PRKD3: variants seen among roughly 807,000 people sequenced by gnomAD.
PRKD3 encodes the protein serine/threonine-protein kinase D3.
A neutral mutation model predicts 99.2 loss-of-function variants in PRKD3; 47 were observed. The ratio of observed to expected loss-of-function variants is 0.47; its 90% CI spans 0.38 to 0.60. The LOEUF is 0.60. Ranked by LOEUF, PRKD3 falls within the 20% of genes least tolerant of loss-of-function variation. The pLI, the probability that PRKD3 is intolerant of heterozygous loss-of-function variation, is 0.00. For synonymous variants in PRKD3, 392 were observed against 355.4 expected, an observed-to-expected ratio of 1.10 and a Z score of -1.16; for missense variants, 1,019 against 1,088.4, an observed-to-expected ratio of 0.94 and a Z score of 0.90.
chr2:37,302,374 T>C (rs1013320607), intron 2 of PRKD3, among the ~76,000 whole-genome samples: 2 of 152,224 alleles, frequency 1.3e-5, no homozygotes, highest in Non-Finnish European at 2.9e-5. Flanking sequence ...TCCACCCTCA[T>C]GCACTCTGCT....
Position 37,273,663 on chromosome 2 carries a change from T to C in PRKD3, c.1651+758A>G, listed in dbSNP as rs1283207578. Among the ~76,000 whole-genome samples, 5 of 152,248 alleles carry C rather than the reference T, an allele frequency of 3.3e-5. No individual in the cohort carries two copies. In the East Asian group the frequency reaches 7.7e-4, roughly 23 times the overall value. On this transcript the variant is annotated intron_variant, in intron 11 of 18. Transcript: ENST00000234179. ...TATTTTAGCTCAGGGCCTAGCATAATAGTTGTACAAAATAATACAGCTAAA... is the reference window on the plus strand; with the variant it reads ...TATTTTAGCTCAGGGCCTAGCATAACAGTTGTACAAAATAATACAGCTAAA...
intron 2 of PRKD3, among the ~76,000 whole-genome samples, chr2:37,298,414 T>TC (rs1558567351): frequency 6.7e-5 from 10 of 148,642 alleles, no homozygotes; most frequent in African/African-American, 2.1e-4. Context: ...CAAAGTTATT[T>TC]TTTTTTTTAA....
At chr2:37,290,630 C>G (rs1017829954) in intron 4 of PRKD3, among the ~76,000 whole-genome samples, 1 of 152,190 alleles carries the variant, frequency 6.6e-6, no homozygotes, top group Non-Finnish European at 1.5e-5. Flanking sequence ...ACCGTTTACT[C>G]TTTATGAAAC....
intron 2 of PRKD3, 60 bp downstream of exon 2, chr2:37,316,177 A>G (rs1448897171): frequency 1.4e-6 from 2 of 1,473,978 alleles, no homozygotes; most frequent in East Asian, 4.5e-5. Context: ...GTACACGTAT[A>G]ATTTATAGAA....
chr2:37,252,913 G>T lies in PRKD3; in HGVS notation c.*264C>A. The stretch of plus-strand genomic sequence containing the variant: ...GTGAGCCTATTGTATTAAAGTGAAG[G>T]ATTAAGAAAAAATACAAAACCAGTT... On this transcript the variant is annotated 3_prime_UTR_variant, in exon 19 of 19. Coordinates refer to ENST00000234179, the MANE Select transcript of PRKD3 (RefSeq NM_005813.6). 4.6e-6 allele frequency: 1 copy of T among 218,980 alleles called. No homozygotes were observed. The highest frequency in any genetic ancestry group is 8.8e-6 in the Non-Finnish European group (1 of 114,042). 13.6% of individuals were successfully genotyped at this position (218,980 alleles called of 1,614,324 possible).
At chr2:37,278,558 T>C (rs927870719) in intron 8 of PRKD3, 5 of 152,286 alleles carry the variant, frequency 3.3e-5, no homozygotes, top group African/African-American at 1.2e-4. Flanking sequence ...ATTTGGGATG[T>C]ATGCATAAAA....
At position 37,274,496 on chromosome 2, in the gene PRKD3, C is replaced by CT; in HGVS notation, c.1575dup (p.Ala526SerfsTer36). 3 of 1,614,116 alleles carry CT rather than the reference C, an allele frequency of 1.9e-6. No homozygotes were observed. Among genetic ancestry groups the CT allele is most frequent in the Non-Finnish European group, 2.5e-6 (3 of 1,179,986 alleles). ...ACAGGCATGAGGGCTTGGCGAATTG[C>CT]TTTTTCCCAGCTCTGTGCTACATCA... On this transcript the variant is annotated frameshift_variant, in exon 11 of 19. Transcript: ENST00000234179. LOFTEE classifies it high-confidence loss of function.
At chr2:37,288,504 G>A (rs967393168) in intron 5 of PRKD3, among the ~76,000 whole-genome samples, 3 of 152,162 alleles carry the variant, frequency 2.0e-5, no homozygotes, top group African/African-American at 7.2e-5. Flanking sequence ...CAGAAGATCA[G>A]AGAAGTTACA....
At chr2:37,323,623 A>C (rs557291313) in intron 1 of PRKD3, among the ~76,000 whole-genome samples, 61 of 152,326 alleles carry the variant, frequency 4.0e-4, no homozygotes, top group African/African-American at 1.3e-3. Flanking sequence ...AGCAAAGCTA[A>C]GGAAAATGAA....
chr2:37,321,579 T>C (rs975961277), intron 1 of PRKD3, among the ~76,000 whole-genome samples: 10 of 152,360 alleles, frequency 6.6e-5, no homozygotes, highest in African/African-American at 2.4e-4. Context: ...GTACTTATTA[T>C]TTCCCAGACT....
At chr2:37,262,461 T>C (rs1459405675) in intron 14 of PRKD3, among the ~76,000 whole-genome samples, 1 of 152,230 alleles carries the variant, frequency 6.6e-6, no homozygotes, top group Non-Finnish European at 1.5e-5. Flanking sequence ...ATAGACTTGT[T>C]TGCTAATCAT....
At chr2:37,275,997 T>C (rs1029519416) in intron 9 of PRKD3, among the ~76,000 whole-genome samples, 153 bp from the exon 10 acceptor site, 4 of 152,176 alleles carry the variant, frequency 2.6e-5, no homozygotes, top group Non-Finnish European at 5.9e-5. Flanking sequence ...ATAAAAAGGA[T>C]GTATGGTGAA....
Position 37,251,550 on chromosome 2 carries a change from C to G in PRKD3, c.*1627G>C, listed in dbSNP as rs990297008. On this transcript the variant is annotated 3_prime_UTR_variant, in exon 19 of 19. Coordinates refer to ENST00000234179, the MANE Select transcript of PRKD3 (RefSeq NM_005813.6). ...CTATTCTTTCAAGGATATTTTTAGT[C>G]TAGACAGGAGACTAGCTTCAGGGAT... is the stretch of plus-strand genomic sequence containing the variant. 6.6e-6 allele frequency: 1 copy of G among 152,218 alleles called. No homozygotes were observed. Among genetic ancestry groups the G allele is most frequent in the African/African-American group, 2.4e-5 (1 of 41,340 alleles). 9.4% of individuals were successfully genotyped at this position (152,218 alleles called of 1,614,324 possible). A position where few individuals can be genotyped will look rare whatever the true frequency, so the allele number is the denominator to read the frequency against.
At chr2:37,303,798 G>A (rs890350497) in intron 2 of PRKD3, among the ~76,000 whole-genome samples, 6 of 152,108 alleles carry the variant, frequency 3.9e-5, no homozygotes, top group African/African-American at 1.4e-4. Context: ...AATGGGAAAC[G>A]ATCGAAGTTT....
rs778538580 is a variant in PRKD3, at chr2:37,259,606, CA to C, written c.2121del (p.Ala708HisfsTer9). The C allele has an allele frequency of 2.5e-6, 4 of 1,612,514 alleles. No homozygotes were observed. The Admixed American group carries it at 5.0e-5, about 20-fold the overall frequency. ...ACCTGAGGAAATGGCTCTGCTGATG[CA>C]AGCAGCACATTTTCTGGCTTTAAAT... ...HCDLKPENVLLASAEPFPQVK... is the reference protein window; with the variant it reads ...HCDLKPENVLXASAEPFPQVK... On this transcript the variant is annotated frameshift_variant, in exon 16 of 19. Transcript: ENST00000234179. LOFTEE classifies it high-confidence loss of function.
chr2:37,316,739 T>C lies in PRKD3; in HGVS notation c.-215A>G, dbSNP rs1231966803. The C allele has an allele frequency of 3.6e-6, 5 of 1,386,794 alleles. No homozygotes were observed. In the East Asian group the frequency reaches 1.1e-4, roughly 30 times the overall value. 85.9% of individuals were successfully genotyped at this position (1,386,794 alleles called of 1,614,324 possible). On this transcript the variant is annotated 5_prime_UTR_variant, in exon 2 of 19. An upstream start codon of the reference 5' UTR is lost. Coordinates refer to ENST00000234179, the MANE Select transcript of PRKD3 (RefSeq NM_005813.6). ...CCTATTTCTCTTAATATCAGTCCCA[T>C]CAAAAAGCAGTCTTGTCTGTAGGAA... is the stretch of plus-strand genomic sequence containing the variant.
At chr2:37,267,346 TAAAAA>T (rs373745205) in intron 14 of PRKD3, 79 bp downstream of exon 14, 27 of 784,862 alleles carry the variant, frequency 3.4e-5, no homozygotes, top group Admixed American at 2.5e-4. Flanking sequence ...TTTGCCTTCT[TAAAAA>T]AAAAAAAAAA....
chr2:37,272,274 G>A (rs948301213), intron 12 of PRKD3, 106 bp downstream of exon 12: 9 of 1,514,972 alleles, frequency 5.9e-6, no homozygotes, highest in Non-Finnish European at 7.1e-6. Context: ...GCAAAGTCTA[G>A]CCTAGTACTT....
chr2:37,293,728 C>G (rs1024217595), intron 2 of PRKD3, among the ~76,000 whole-genome samples: 7 of 152,160 alleles, frequency 4.6e-5, no homozygotes, highest in Non-Finnish European at 7.4e-5. Context: ...TAAATGACAC[C>G]ATGTCACCTG....
Sources: allele counts gnomAD v4.1 joint callset (sites outside exome capture counted in the v4.1 genomes callset), GRCh38; gene constraint gnomAD v4.1.1; transcripts MANE v1.5; gene names NCBI Gene and HGNC (gene_info 2026-07-23, HGNC 2026-07-21).